The following GLG1 variants were observed in gnomAD, a reference collection of about 807,000 sequenced individuals.
The protein encoded by GLG1 is Golgi apparatus protein 1.
In GLG1, 38 loss-of-function variants were observed where a neutral mutation model predicts 160.5. The observed-to-expected ratio is 0.24, with a 90% CI of 0.18 to 0.31. The LOEUF is 0.31. Among genes scored for constraint, GLG1 ranks in the 10% least tolerant of loss-of-function variants. GLG1 has a pLI of 1.00. For missense variants in GLG1, 1,373 were observed against 1,505.2 expected (o/e 0.91, Z 1.45); for synonymous variants, 644 against 543.4 (o/e 1.19, Z -2.57).
At chr16:74,497,556 G>GT in intron 4 of GLG1, among the ~76,000 whole-genome samples, 1 of 149,466 alleles carries the variant, frequency 6.7e-6, no homozygotes, top group Non-Finnish European at 1.5e-5. Flanking sequence ...TCCTGCCTCA[G>GT]TCTCCTGAGT....
intron 1 of GLG1, among the ~76,000 whole-genome samples, chr16:74,589,462 C>CA (rs1042975386): frequency 2.1e-4 from 32 of 152,242 alleles, no homozygotes; most frequent in South Asian, 8.3e-4. Context: ...TTTGGTGCAG[C>CA]AAATTCCCAA....
chr16:74,476,422 C>T (rs182779842), intron 12 of GLG1, among the ~76,000 whole-genome samples: 2 of 152,250 alleles, frequency 1.3e-5, no homozygotes, highest in East Asian at 3.9e-4. Flanking sequence ...ACATGATAGT[C>T]CTATGCTCAA....
rs1441927326 is a variant in GLG1 at position 74,493,135 on chromosome 16, T to C, written c.1056A>G (p.Arg352=). 2 of 1,609,364 alleles carry C rather than the reference T, an allele frequency of 1.2e-6. No individual in the cohort carries two copies. The highest frequency in any genetic ancestry group is 2.7e-5 in the African/African-American group (2 of 74,716). Residue 352 remains arginine (R), a synonymous_variant, in exon 7 of 26, where the codon CGA becomes CGG. Coordinates refer to ENST00000422840, the MANE Select transcript of GLG1 (RefSeq NM_001145667.2). ...KFEESMSEKC[R]EALTTRQKLI... is the part of the protein sequence containing the mutation. ...GCTTTTGGCGGGTTGTAAGTGCTTC[T>C]CGACACTGAGGAAAGAGTACAGCAA...
chr16:74,497,560 C>T (rs1046607752), intron 4 of GLG1, among the ~76,000 whole-genome samples: 2 of 151,020 alleles, frequency 1.3e-5, no homozygotes, highest in Non-Finnish European at 2.9e-5. Flanking sequence ...GCCTCAGTCT[C>T]CTGAGTAGCT....
At chr16:74,511,543 T>G (rs1000795101) in intron 2 of GLG1, among the ~76,000 whole-genome samples, 18 of 139,284 alleles carry the variant, frequency 1.3e-4, no homozygotes, top group Admixed American at 3.8e-4. Flanking sequence ...TCCCAGCTAC[T>G]CTGGAGGCTG....
chr16:74,457,101 A>G (rs985988480), intron 24 of GLG1, among the ~76,000 whole-genome samples: 1 of 152,196 alleles, frequency 6.6e-6, no homozygotes, highest in Non-Finnish European at 1.5e-5. Context: ...TCAAAAAATT[A>G]AAACGAAAAC....
chr16:74,465,548 GTGCTGC>G, intron 19 of GLG1, 122 bp downstream of exon 19: 1 of 885,562 alleles, frequency 1.1e-6, no homozygotes, highest in Non-Finnish European at 1.8e-6. Flanking sequence ...CTCCCAGGGG[GTGCTGC>G]TGCTGCTGCT....
At chr16:74,539,704 G>A (rs1270562616) in intron 1 of GLG1, among the ~76,000 whole-genome samples, 3 of 150,704 alleles carry the variant, frequency 2.0e-5, no homozygotes, top group East Asian at 4.0e-4. Flanking sequence ...TGGACCTAAT[G>A]GTTGACCTCC....
At chr16:74,496,340 G>C in intron 5 of GLG1, 101 bp downstream of exon 5, 1 of 833,050 alleles carries the variant, frequency 1.2e-6, no homozygotes, top group South Asian at 1.6e-5. Flanking sequence ...AACATAGCAA[G>C]ACTCAATCTC....
chr16:74,526,661 C>G (rs2017344263), intron 2 of GLG1, among the ~76,000 whole-genome samples: 1 of 152,202 alleles, frequency 6.6e-6, no homozygotes, highest in Non-Finnish European at 1.5e-5. Flanking sequence ...GAGACTGAAG[C>G]TGGAGTGAGC....
chr16:74,501,891 A>G (rs1185762439), intron 4 of GLG1, among the ~76,000 whole-genome samples: 1 of 152,232 alleles, frequency 6.6e-6, no homozygotes, highest in African/African-American at 2.4e-5. Flanking sequence ...TTTGCCTGAA[A>G]GATTTATGCC....
At chr16:74,590,183 T>C (rs1958141062) in intron 1 of GLG1, among the ~76,000 whole-genome samples, 1 of 151,998 alleles carries the variant, frequency 6.6e-6, no homozygotes, top group African/African-American at 2.4e-5. Flanking sequence ...TATTTTTTAG[T>C]AGAGACAGGA....
chr16:74,532,053 G>C (rs1166374932), intron 2 of GLG1, 68 bp downstream of exon 2: 2 of 607,388 alleles, frequency 3.3e-6, no homozygotes, highest in East Asian at 3.0e-5. Context: ...ACAACAGGAA[G>C]AGCATCCCGA....
At chr16:74,562,547 C>T (rs1401786279) in intron 1 of GLG1, among the ~76,000 whole-genome samples, 1 of 152,192 alleles carries the variant, frequency 6.6e-6, no homozygotes, top group Admixed American at 6.5e-5. Flanking sequence ...GCAACCTCCA[C>T]CTCCCGGGTT....
intron 1 of GLG1, among the ~76,000 whole-genome samples, chr16:74,588,917 C>A (rs1251203760): frequency 6.6e-6 from 1 of 151,852 alleles, no homozygotes; most frequent in South Asian, 2.1e-4. Flanking sequence ...GGTTGTTAGA[C>A]CAATATCCTT....
Position 74,449,226 on chromosome 16 carries a change from G to A in GLG1, c.*3941C>T, listed in dbSNP as rs2014193059. 1 of 152,280 alleles carries A rather than the reference G, an allele frequency of 6.6e-6. No individual in the cohort carries two copies. Among genetic ancestry groups the A allele is most frequent in the African/African-American group, 2.4e-5 (1 of 41,452 alleles). 9.4% of individuals were successfully genotyped at this position (152,280 alleles called of 1,614,324 possible). On this transcript the variant is annotated 3_prime_UTR_variant, in exon 26 of 26. Transcript: ENST00000422840. ...CTTAGATTAAGTTCTGACTTAGAGTGTGTTCTAAGGAGGCAGGGGAGGAAA... is the reference window on the plus strand; with the variant it reads ...CTTAGATTAAGTTCTGACTTAGAGTATGTTCTAAGGAGGCAGGGGAGGAAA...
chr16:74,557,393 T>C (rs965897640), intron 1 of GLG1, among the ~76,000 whole-genome samples: 2 of 152,144 alleles, frequency 1.3e-5, no homozygotes, highest in Admixed American at 6.5e-5. Flanking sequence ...AAGCTCTCTT[T>C]AGGTCTGGGG....
intron 18 of GLG1, among the ~76,000 whole-genome samples, chr16:74,467,529 A>G (rs2015043422): frequency 6.6e-6 from 1 of 152,146 alleles, no homozygotes; most frequent in Middle Eastern, 3.2e-3. Flanking sequence ...AGGTAACCTG[A>G]AAGAGGGAAG....
At position 74,452,363 on chromosome 16, in the gene GLG1, C is replaced by G; in HGVS notation, c.*804G>C. On this transcript the variant is annotated 3_prime_UTR_variant, in exon 26 of 26. Transcript: ENST00000422840. ...GCTGCCCCGGGACTCAGGATCCAGCCTCTCAGTGCAGATGGATGGACTGTT... is the reference window on the plus strand; with the variant it reads ...GCTGCCCCGGGACTCAGGATCCAGCGTCTCAGTGCAGATGGATGGACTGTT... 7.4e-7 allele frequency: 1 copy of G among 1,357,684 alleles called. No homozygotes were observed. The highest frequency in any genetic ancestry group is 9.5e-7 in the Non-Finnish European group (1 of 1,050,774). 84.1% of individuals were successfully genotyped at this position (1,357,684 alleles called of 1,614,324 possible).
Sources: allele counts gnomAD v4.1 joint callset (sites outside exome capture counted in the v4.1 genomes callset), GRCh38; gene constraint gnomAD v4.1.1; transcripts MANE v1.5; gene names NCBI Gene and HGNC (gene_info 2026-07-23, HGNC 2026-07-21).